The following KIF5C variants were observed in gnomAD, a reference collection of about 807,000 sequenced individuals.
KIF5C encodes kinesin heavy chain isoform 5C.
KIF5C carries 18 observed loss-of-function variants against 125.2 expected under a neutral mutation model. The ratio of observed to expected loss-of-function variants is 0.14; its 90% CI spans 0.10 to 0.21. The LOEUF (loss-of-function observed/expected upper bound fraction) is 0.21. Ranked by LOEUF, KIF5C falls within the 10% of genes least tolerant of loss-of-function variation. The pLI is 1.00. For synonymous variants in KIF5C, 405 were observed against 434.0 expected (o/e 0.93, Z 0.83); for missense variants, 780 against 1,183.8 (o/e 0.66, Z 5.01).
chr2:148,903,087 T>C (rs73007588), intron 1 of KIF5C, among the ~76,000 whole-genome samples: 26,446 of 152,134 alleles, frequency 0.17, 3,988 homozygotes, highest in African/African-American at 0.41. Flanking sequence ...GATGTCTGCT[T>C]GGGGAGACAT....
chr2:148,978,914 C>A lies in KIF5C; in HGVS notation c.1294-8C>A. On this transcript the variant is annotated splice_region_variant and splice_polypyrimidine_tract_variant and intron_variant, in intron 12 of 25. Transcript: ENST00000435030. ...AACCAAAAAAACAAACATGATGTTT[C>A]GTTTCAGGATGATGAAATTAACCAG... 1 of 1,581,442 alleles carries A rather than the reference C, an allele frequency of 6.3e-7. No individual in the cohort carries two copies. The highest frequency in any genetic ancestry group is 8.6e-7 in the Non-Finnish European group (1 of 1,166,006).
At chr2:149,005,562 G>A in intron 22 of KIF5C, 98 bp downstream of exon 22, 1 of 1,519,356 alleles carries the variant, frequency 6.6e-7, no homozygotes, top group Non-Finnish European at 8.9e-7. Flanking sequence ...GTCGGGGCTG[G>A]TTATGCTTAA....
chr2:148,902,473 C>G (rs551388517), intron 1 of KIF5C, among the ~76,000 whole-genome samples: 2 of 152,308 alleles, frequency 1.3e-5, no homozygotes, highest in South Asian at 4.2e-4. Flanking sequence ...CACGCCACCA[C>G]GCCCAGATAA....
At chr2:149,002,952 C>T (rs981217600) in intron 21 of KIF5C, among the ~76,000 whole-genome samples, 2 of 152,220 alleles carry the variant, frequency 1.3e-5, no homozygotes, top group East Asian at 1.9e-4. Flanking sequence ...CCTGCTCGTC[C>T]GTTCTCTCTC....
chr2:148,993,883 A>C (rs1574821444), intron 16 of KIF5C, among the ~76,000 whole-genome samples: 1 of 152,258 alleles, frequency 6.6e-6, no homozygotes, highest in Non-Finnish European at 1.5e-5. Context: ...CTGAGTGATA[A>C]GGAGCTAGCC....
chr2:149,017,727 C>T (rs1682407742), intron 25 of KIF5C, among the ~76,000 whole-genome samples: 1 of 152,166 alleles, frequency 6.6e-6, no homozygotes, highest in Admixed American at 6.5e-5. Flanking sequence ...ATACAATTCT[C>T]ACAGATCCCC....
chr2:148,972,391 T>C (rs574029964), intron 11 of KIF5C, among the ~76,000 whole-genome samples: 2 of 152,182 alleles, frequency 1.3e-5, no homozygotes, highest in African/African-American at 4.8e-5. Flanking sequence ...TGGTAAACAT[T>C]GTGATGGAAA....
At chr2:149,006,537 C>T (rs1192772773) in intron 22 of KIF5C, among the ~76,000 whole-genome samples, 1 of 152,018 alleles carries the variant, frequency 6.6e-6, no homozygotes, top group Non-Finnish European at 1.5e-5. Context: ...GTTCAGGCTG[C>T]CAAGGTAGGG....
chr2:148,894,226 T>C (rs1438368550), intron 1 of KIF5C, among the ~76,000 whole-genome samples: 1 of 152,260 alleles, frequency 6.6e-6, no homozygotes, highest in Admixed American at 6.5e-5. Context: ...TATCTAGTTA[T>C]CCAGTTGGCA....
At chr2:149,012,092 G>C (rs769346593) in intron 25 of KIF5C, among the ~76,000 whole-genome samples, 12 of 152,200 alleles carry the variant, frequency 7.9e-5, no homozygotes, top group Non-Finnish European at 1.6e-4. Context: ...TAAAGAAAGA[G>C]CCAGATAATA....
intron 19 of KIF5C, chr2:149,000,084 G>A (rs191599975): frequency 1.0e-4 from 21 of 206,028 alleles, no homozygotes; most frequent in Non-Finnish European, 1.6e-4. Flanking sequence ...TGCCATCCGA[G>A]GGGCCGAGGA....
rs62648077 is a variant in KIF5C, at chr2:148,920,929, C to G, written c.127-1208C>G. Among the ~76,000 whole-genome samples, 1,028 of 152,280 alleles carry G rather than the reference C, an allele frequency of 6.8e-3. 17 individuals carry two copies. Among genetic ancestry groups the G allele is most frequent in the Middle Eastern group, 0.065 (19 of 294 alleles). On this transcript the variant is annotated intron_variant, in intron 1 of 25. Transcript: ENST00000435030. Reference sequence around the variant, plus strand: ...GCTCTCTCCTCCCTCTCATCTTCTGCCCTCCCCTCTGCTATGTGGGGAACA... The same window carrying G: ...GCTCTCTCCTCCCTCTCATCTTCTGGCCTCCCCTCTGCTATGTGGGGAACA...
In KIF5C at chr2:148,995,169, G is replaced by A. The variant is rs143983602; in HGVS notation, c.2023+631G>A. Among the ~76,000 whole-genome samples the A allele has an allele frequency of 6.2e-3, 944 of 152,282 alleles. 6 individuals are homozygous for A. Among genetic ancestry groups the A allele is most frequent in the African/African-American group, 0.022 (913 of 41,554 alleles). Reference sequence around the variant, plus strand: ...GAGGCCCCTCTGGTTCACTGTCCAGGTTAACTAAGGACTGTGGCTACATCC... The same window carrying A: ...GAGGCCCCTCTGGTTCACTGTCCAGATTAACTAAGGACTGTGGCTACATCC... On this transcript the variant is annotated intron_variant, in intron 17 of 25. Transcript: ENST00000435030.
intron 1 of KIF5C, among the ~76,000 whole-genome samples, chr2:148,906,801 G>A (rs1192077444): frequency 6.6e-6 from 1 of 152,188 alleles, no homozygotes; most frequent in Non-Finnish European, 1.5e-5. Flanking sequence ...AGGGGGTTGA[G>A]GCTATAGTGA....
At chr2:148,940,262 A>G (rs1574770200) in intron 4 of KIF5C, among the ~76,000 whole-genome samples, 1 of 152,212 alleles carries the variant, frequency 6.6e-6, no homozygotes, top group South Asian at 2.1e-4. Context: ...ATGAAAGATT[A>G]GAGAAAGCTG....
chr2:148,967,847 C>T (rs895337990), intron 11 of KIF5C, among the ~76,000 whole-genome samples: 4 of 151,962 alleles, frequency 2.6e-5, no homozygotes, highest in East Asian at 1.9e-4. Flanking sequence ...GGGAGAGACT[C>T]GAACAATCCT....
chr2:148,909,766 G>C (rs1446979553), intron 1 of KIF5C, among the ~76,000 whole-genome samples: 1 of 152,212 alleles, frequency 6.6e-6, no homozygotes, highest in Non-Finnish European at 1.5e-5. Context: ...CACCTCAGTT[G>C]CAGAAATTTT....
rs75844325 is a variant in KIF5C, at chr2:148,907,979, G to A, written c.127-14158G>A. On this transcript the variant is annotated intron_variant, in intron 1 of 25. Transcript: ENST00000435030. ...ACTGGGAGCCCCTGCTGTAGTCCTC[G>A]GGCTGTTCCTGTCTCAAATCTGTCC... Among the ~76,000 whole-genome samples the A allele has an allele frequency of 0.012, 1,821 of 152,270 alleles. 129 individuals carry two copies. The East Asian group carries it at 0.2, about 16-fold the overall frequency.
chr2:148,952,619 C>T (rs1244743842), intron 10 of KIF5C, among the ~76,000 whole-genome samples: 3 of 152,088 alleles, frequency 2.0e-5, no homozygotes, highest in Non-Finnish European at 4.4e-5. Flanking sequence ...CCCTTTGGGT[C>T]AGTAAGCCCA....
Sources: gnomAD v4.1 joint callset for allele counts (sites outside exome capture counted in the v4.1 genomes callset) on GRCh38, gnomAD v4.1.1 for gene constraint, MANE v1.5 for transcripts, NCBI Gene and HGNC (gene_info 2026-07-23, HGNC 2026-07-21) for gene names.